The following LRMDA variants were observed in gnomAD, a reference collection of about 807,000 sequenced individuals.
LRMDA encodes the protein leucine rich melanocyte differentiation associated.
In LRMDA, 18 loss-of-function variants were observed where a neutral mutation model predicts 29.8. The observed-to-expected ratio is 0.60, with a 90% CI of 0.42 to 0.90. LRMDA has a LOEUF of 0.90. Among genes scored for constraint, LRMDA ranks in the 40% least tolerant of loss-of-function variants. The pLI, the probability that LRMDA is intolerant of heterozygous loss-of-function variation, is 0.00. For synonymous variants in LRMDA, 125 were observed against 109.4 expected, an observed-to-expected ratio of 1.14 and a Z score of -0.89; for missense variants, 273 against 273.9, an observed-to-expected ratio of 1.00 and a Z score of 0.02.
intron 2 of LRMDA, among the ~76,000 whole-genome samples, chr10:76,011,175 TA>T (rs955469277): frequency 6.6e-6 from 1 of 152,188 alleles, no homozygotes; most frequent in Non-Finnish European, 1.5e-5. Flanking sequence ...CATCCCACAC[TA>T]ATTGTGGGAG....
chr10:75,950,158 C>T (rs1198587401), intron 2 of LRMDA, among the ~76,000 whole-genome samples: 2 of 152,196 alleles, frequency 1.3e-5, no homozygotes, highest in Non-Finnish European at 1.5e-5. Flanking sequence ...CACCCCCCTT[C>T]CTCATTGCTC....
intron 6 of LRMDA, among the ~76,000 whole-genome samples, chr10:76,431,534 A>G (rs569247184): frequency 1.3e-4 from 20 of 152,330 alleles, no homozygotes; most frequent in African/African-American, 4.6e-4. Flanking sequence ...TCATTTTTAA[A>G]AGTGACAATA....
rs180675645 is a variant in LRMDA at position 76,181,236 on chromosome 10, T to C, written c.516+122453T>C. Among the ~76,000 whole-genome samples, 23 of 152,320 alleles carry C rather than the reference T, an allele frequency of 1.5e-4. No homozygotes were observed. The East Asian group carries it at 4.2e-3, about 28-fold the overall frequency. On this transcript the variant is annotated intron_variant, in intron 5 of 6. Coordinates refer to ENST00000611255, the MANE Select transcript of LRMDA (RefSeq NM_001305581.2). ...CCACTGACCTCTTCCAGGCTGATGA[T>C]GTGTAACCCAAAGCCTTGAGCTCAT...
intron 2 of LRMDA, among the ~76,000 whole-genome samples, chr10:75,788,769 T>A (rs1245502590): frequency 1.3e-5 from 2 of 152,196 alleles, no homozygotes; most frequent in African/African-American, 4.8e-5. Context: ...AAAATCACAG[T>A]CCTTTTACTA....
intron 6 of LRMDA, among the ~76,000 whole-genome samples, chr10:76,545,934 C>G (rs1318739046): frequency 6.6e-6 from 1 of 152,078 alleles, no homozygotes; most frequent in African/African-American, 2.4e-5. Context: ...TGGGAACTTG[C>G]AAAAATGCAT....
At chr10:76,189,579 A>G (rs1302253366) in intron 5 of LRMDA, among the ~76,000 whole-genome samples, 2 of 152,214 alleles carry the variant, frequency 1.3e-5, no homozygotes, top group African/African-American at 4.8e-5. Context: ...GGAATGTAGC[A>G]TGATCTAATG....
intron 6 of LRMDA, among the ~76,000 whole-genome samples, chr10:76,367,513 C>T (rs1841405304): frequency 6.6e-6 from 1 of 151,960 alleles, no homozygotes; most frequent in Admixed American, 6.6e-5. Flanking sequence ...TAACCTCTGC[C>T]TCCCAGGTTC....
At chr10:76,335,640 T>A (rs967530969) in intron 6 of LRMDA, among the ~76,000 whole-genome samples, 2 of 152,142 alleles carry the variant, frequency 1.3e-5, no homozygotes, top group African/African-American at 4.8e-5. Flanking sequence ...ATTGGTTTGG[T>A]CCAGAAAGGC....
At chr10:75,770,036 C>T (rs577609709) in intron 2 of LRMDA, among the ~76,000 whole-genome samples, 1 of 152,098 alleles carries the variant, frequency 6.6e-6, no homozygotes, top group African/African-American at 2.4e-5. Flanking sequence ...AATCCCAGAA[C>T]TTTGGGAGGC....
chr10:75,769,120 A>G (rs1300361948), intron 2 of LRMDA, among the ~76,000 whole-genome samples: 1 of 152,242 alleles, frequency 6.6e-6, no homozygotes, highest in East Asian at 1.9e-4. Flanking sequence ...GGTTTGCTTC[A>G]GCCTTCATGC....
intron 6 of LRMDA, among the ~76,000 whole-genome samples, chr10:76,527,373 T>C (rs1388911802): frequency 1.3e-5 from 2 of 152,186 alleles, no homozygotes; most frequent in African/African-American, 4.8e-5. Flanking sequence ...AGATCTTGGC[T>C]CTATAAGTTA....
rs184881015 is a variant in LRMDA, at chr10:75,479,364, G to A, written c.131+40870G>A. ...GTACTAAAAATACAAAAAATTAGCC[G>A]GGCGTGGTCACAGGCGCCTGTAGTC... On this transcript the variant is annotated intron_variant, in intron 2 of 6. Coordinates refer to ENST00000611255, the MANE Select transcript of LRMDA (RefSeq NM_001305581.2). 2.2e-3 allele frequency among the ~76,000 whole-genome samples: 334 copies of A among 152,126 alleles called. 4 individuals carry two copies. The highest frequency in any genetic ancestry group is 7.8e-3 in the African/African-American group (324 of 41,506).
At chr10:76,197,640 C>T (rs181635395) in intron 5 of LRMDA, among the ~76,000 whole-genome samples, 117 of 152,154 alleles carry the variant, frequency 7.7e-4, no homozygotes, top group African/African-American at 2.6e-3. Flanking sequence ...TAGTAGTGGC[C>T]GGGTGCATTG....
intron 6 of LRMDA, among the ~76,000 whole-genome samples, chr10:76,431,463 A>G (rs538926354): frequency 1.3e-4 from 20 of 152,300 alleles, no homozygotes; most frequent in African/African-American, 3.6e-4. Flanking sequence ...TCACTTCTCT[A>G]CTACTTGCAA....
At chr10:76,237,288 C>T (rs77638017) in intron 5 of LRMDA, among the ~76,000 whole-genome samples, 1 of 152,132 alleles carries the variant, frequency 6.6e-6, no homozygotes, top group Admixed American at 6.5e-5. Flanking sequence ...TACAAAAATA[C>T]ATGTGTAGAT....
intron 5 of LRMDA, among the ~76,000 whole-genome samples, chr10:76,063,315 G>A (rs1274263883): frequency 1.3e-5 from 2 of 152,212 alleles, no homozygotes; most frequent in Non-Finnish European, 2.9e-5. Flanking sequence ...TGTGGGCACA[G>A]TGTGTTCAAA....
At chr10:75,539,909 C>T (rs1193602508) in intron 2 of LRMDA, among the ~76,000 whole-genome samples, 1 of 152,054 alleles carries the variant, frequency 6.6e-6, no homozygotes, top group Non-Finnish European at 1.5e-5. Flanking sequence ...TTTTAATTTT[C>T]TTTATAGCAT....
At chr10:75,680,562 C>A (rs991072658) in intron 2 of LRMDA, among the ~76,000 whole-genome samples, 2 of 151,884 alleles carry the variant, frequency 1.3e-5, no homozygotes, top group African/African-American at 4.8e-5. Flanking sequence ...ATTGTATATG[C>A]TCAATAAGAA....
At chr10:75,441,334 T>A (rs2132024138) in intron 2 of LRMDA, among the ~76,000 whole-genome samples, 1 of 152,282 alleles carries the variant, frequency 6.6e-6, no homozygotes, top group Admixed American at 6.5e-5. Flanking sequence ...TCCCTGACCA[T>A]CTTTCGGCTC....
Sources: gnomAD v4.1 joint callset for allele counts (sites outside exome capture counted in the v4.1 genomes callset) on GRCh38, gnomAD v4.1.1 for gene constraint, MANE v1.5 for transcripts, NCBI Gene and HGNC (gene_info 2026-07-23, HGNC 2026-07-21) for gene names.